ATP6V1C2: variants seen among roughly 807,000 people sequenced by gnomAD.
ATP6V1C2 encodes the protein V-type proton ATPase subunit C 2.
In ATP6V1C2, 45 loss-of-function variants were observed where a neutral mutation model predicts 56.8. The observed-to-expected ratio is 0.79, with a 90% CI of 0.62 to 1.02. The LOEUF (loss-of-function observed/expected upper bound fraction) is 1.02. Ranked by LOEUF, ATP6V1C2 falls within the 50% of genes least tolerant of loss-of-function variation. The probability of loss-of-function intolerance (pLI) is 0.00; values close to 1 mark genes in which losing one functional copy is unlikely to be tolerated. For missense variants in ATP6V1C2, 463 were observed against 519.7 expected (o/e 0.89, Z 1.06); for synonymous variants, 220 against 201.3 (o/e 1.09, Z -0.79).
chr2:10,724,098 G>A (rs780783278), intron 2 of ATP6V1C2, among the ~76,000 whole-genome samples: 9 of 152,054 alleles, frequency 5.9e-5, no homozygotes, highest in East Asian at 1.9e-4. Flanking sequence ...TGGACTTACC[G>A]TGGTGCTTTC....
At chr2:10,746,211 G>A (rs1662904571) in intron 3 of ATP6V1C2, among the ~76,000 whole-genome samples, 1 of 152,092 alleles carries the variant, frequency 6.6e-6, no homozygotes, top group Admixed American at 6.6e-5. Context: ...TGTGGGCCAG[G>A]CTGTTCTCAA....
Position 10,784,825 on chromosome 2 carries a change from C to G in ATP6V1C2, c.*1562C>G. 1 of 773,660 alleles carries G rather than the reference C, an allele frequency of 1.3e-6. No individual in the cohort carries two copies. 47.9% of individuals were successfully genotyped at this position (773,660 alleles called of 1,614,324 possible). On this transcript the variant is annotated 3_prime_UTR_variant, in exon 14 of 14. Transcript: ENST00000272238. ...ACCTCTTAAAAGGCCCACGGGTGCA[C>G]CAGGGCTGAGGTCTGATGGGAAGGA... is the stretch of plus-strand genomic sequence containing the variant.
intron 4 of ATP6V1C2, among the ~76,000 whole-genome samples, chr2:10,760,030 G>GTTTTTTTTTTTTTTT: frequency 7.5e-6 from 1 of 133,840 alleles, no homozygotes; most frequent in Non-Finnish European, 1.6e-5. Context: ...TTTGTTTTTT[G>GTTTTTTTTTTTTTTT]TTTTTTTTTT....
In ATP6V1C2 at chr2:10,784,981, A is replaced by G. The variant is rs1214273602; in HGVS notation, c.*1718A>G. The G allele has an allele frequency of 1.3e-6, 2 of 1,591,806 alleles. No individual in the cohort carries two copies. Among genetic ancestry groups the G allele is most frequent in the Admixed American group, 3.5e-5 (2 of 57,578 alleles). ...GGCTCTCTCTCAACGATGGTAGGGA[A>G]AGCCCCGCCTCCTACAGGTGCCGTG... On this transcript the variant is annotated 3_prime_UTR_variant, in exon 14 of 14. Coordinates refer to ENST00000272238, the MANE Select transcript of ATP6V1C2 (RefSeq NM_001039362.2).
At chr2:10,756,883 T>G (rs565822253) in intron 4 of ATP6V1C2, among the ~76,000 whole-genome samples, 1 of 152,192 alleles carries the variant, frequency 6.6e-6, no homozygotes, top group South Asian at 2.1e-4. Context: ...TTTCTCAGAA[T>G]GTATCCCTGT....
intron 3 of ATP6V1C2, among the ~76,000 whole-genome samples, chr2:10,728,335 C>T (rs142456761): frequency 6.6e-6 from 1 of 152,228 alleles, no homozygotes; most frequent in Non-Finnish European, 1.5e-5. Flanking sequence ...CCTCTTGCCT[C>T]GGCCTGCCAA....
At chr2:10,729,384 G>A (rs986768927) in intron 3 of ATP6V1C2, among the ~76,000 whole-genome samples, 2 of 151,782 alleles carry the variant, frequency 1.3e-5, no homozygotes, top group African/African-American at 2.4e-5. Flanking sequence ...GGCTGGTCTC[G>A]AACTCCTGAC....
chr2:10,770,655 G>C (rs564364560), intron 6 of ATP6V1C2, among the ~76,000 whole-genome samples: 1 of 152,238 alleles, frequency 6.6e-6, no homozygotes, highest in Admixed American at 6.5e-5. Context: ...TAGCCTCTTC[G>C]CTCAACTGGT....
chr2:10,746,876 T>C (rs969842989), intron 3 of ATP6V1C2, among the ~76,000 whole-genome samples: 2 of 152,240 alleles, frequency 1.3e-5, no homozygotes, highest in African/African-American at 2.4e-5. Context: ...TATTTAGGTA[T>C]ATACTGACAT....
At chr2:10,778,545 G>C in intron 11 of ATP6V1C2, 27 bp from the exon 12 acceptor site, 1 of 1,609,968 alleles carries the variant, frequency 6.2e-7, no homozygotes, top group Non-Finnish European at 8.5e-7. Flanking sequence ...GTTCAGCAGG[G>C]GTCACCTGGC....
At chr2:10,732,334 C>T (rs555800139) in intron 3 of ATP6V1C2, among the ~76,000 whole-genome samples, 1 of 152,246 alleles carries the variant, frequency 6.6e-6, no homozygotes, top group East Asian at 1.9e-4. Context: ...TCTTGGCTCA[C>T]TGCAACCTCC....
chr2:10,778,680 G>A lies in ATP6V1C2; in HGVS notation c.1061+11G>A. 6.2e-7 allele frequency: 1 copy of A among 1,613,728 alleles called. No individual in the cohort carries two copies. Among genetic ancestry groups the A allele is most frequent in the Non-Finnish European group, 8.5e-7 (1 of 1,179,592 alleles). On this transcript the variant is annotated intron_variant, in intron 12 of 13. Coordinates refer to ENST00000272238, the MANE Select transcript of ATP6V1C2 (RefSeq NM_001039362.2). ...GGAGTCCGTGCTCAGGTGCGTGGCAGTGATGCCCCGGCTGGGACTGTCCTG... is the reference window on the plus strand; with the variant it reads ...GGAGTCCGTGCTCAGGTGCGTGGCAATGATGCCCCGGCTGGGACTGTCCTG...
Position 10,763,356 on chromosome 2 carries a change from G to A in ATP6V1C2, c.284-975G>A, listed in dbSNP as rs1449199200. On this transcript the variant is annotated intron_variant, in intron 4 of 13. Transcript: ENST00000272238. The surrounding 1 kb of genome is among the most constrained non-coding windows in gnomAD (Gnocchi z 4.2). The stretch of plus-strand genomic sequence containing the variant: ...TAGGAGGAGCCGGCGCCAGCTCTTT[G>A]TCCTCCCTTAGCACTCTAGGCGGTT... Among the ~76,000 whole-genome samples the A allele has an allele frequency of 6.6e-6, 1 of 152,142 alleles. No homozygotes were observed. Among genetic ancestry groups the A allele is most frequent in the Non-Finnish European group, 1.5e-5 (1 of 68,018 alleles).
At chr2:10,754,542 A>ATTTTCTTTTC (rs141329846) in intron 4 of ATP6V1C2, among the ~76,000 whole-genome samples, 9 of 145,176 alleles carry the variant, frequency 6.2e-5, no homozygotes, top group African/African-American at 2.1e-4. Flanking sequence ...TATTATGATA[A>ATTTTCTTTTC]TTTTCTTTTC....
At chr2:10,758,828 C>T (rs1302722291) in intron 4 of ATP6V1C2, among the ~76,000 whole-genome samples, 1 of 152,102 alleles carries the variant, frequency 6.6e-6, no homozygotes, top group Non-Finnish European at 1.5e-5. Context: ...GCCACCATAC[C>T]TGGCTAATTT....
At chr2:10,727,067 C>CCCTT (rs1321122875) in intron 3 of ATP6V1C2, among the ~76,000 whole-genome samples, 3 of 149,176 alleles carry the variant, frequency 2.0e-5, no homozygotes, top group Non-Finnish European at 3.0e-5. Flanking sequence ...CTCCCTCCCT[C>CCCTT]CCTCCCTTCC....
At chr2:10,740,087 C>CAAAAAAAAA (rs70953339) in intron 3 of ATP6V1C2, among the ~76,000 whole-genome samples, 1 of 103,760 alleles carries the variant, frequency 9.6e-6, no homozygotes. Context: ...GACTCCATCT[C>CAAAAAAAAA]AAAAAAAAAA....
intron 5 of ATP6V1C2, chr2:10,768,175 C>G (rs1664353263): frequency 6.5e-6 from 1 of 153,920 alleles, no homozygotes; most frequent in African/African-American, 2.4e-5. Flanking sequence ...ACAGTCGGCT[C>G]TCAGCACTGG....
At chr2:10,743,795 G>A (rs1286362965) in intron 3 of ATP6V1C2, among the ~76,000 whole-genome samples, 2 of 151,762 alleles carry the variant, frequency 1.3e-5, no homozygotes. Context: ...GACCAGCCTG[G>A]CTAACATGGT....
Sources: gnomAD v4.1 joint callset for allele counts (sites outside exome capture counted in the v4.1 genomes callset) on GRCh38, gnomAD v4.1.1 for gene constraint, Gnocchi (gnomAD v3.1) non-coding constraint, MANE v1.5 for transcripts, NCBI Gene and HGNC (gene_info 2026-07-23, HGNC 2026-07-21) for gene names.